CCDC178: variants seen among roughly 807,000 people sequenced by gnomAD.
CCDC178 encodes coiled-coil domain containing 178.
Under a neutral mutation model 117.4 loss-of-function variants are expected in CCDC178, and 126 were observed. The observed-to-expected ratio is 1.07, with a 90% CI of 0.93 to 1.24. The LOEUF is 1.24. CCDC178 is among the 50% of genes most tolerant of loss of function. The probability of loss-of-function intolerance (pLI) is 0.00; values close to 1 mark genes in which losing one functional copy is unlikely to be tolerated. For missense variants in CCDC178, 1,030 were observed against 986.9 expected, an observed-to-expected ratio of 1.04 and a Z score of -0.59; for synonymous variants, 283 against 313.4, an observed-to-expected ratio of 0.90 and a Z score of 1.02.
intron 5 of CCDC178, among the ~76,000 whole-genome samples, chr18:33,389,197 C>T (rs1045128720): frequency 6.6e-6 from 1 of 151,944 alleles, no homozygotes; most frequent in Admixed American, 6.6e-5. Context: ...CCCCCAAAAA[C>T]ATTTGTCTTC....
chr18:33,404,528 T>C (rs1395344508), intron 3 of CCDC178, among the ~76,000 whole-genome samples: 2 of 152,100 alleles, frequency 1.3e-5, no homozygotes, highest in Non-Finnish European at 2.9e-5. Context: ...CTATGGCTGC[T>C]TCTGTGGAAA....
intron 6 of CCDC178, among the ~76,000 whole-genome samples, chr18:33,357,333 G>A (rs1568172826): frequency 2.6e-5 from 4 of 151,980 alleles, no homozygotes; most frequent in African/African-American, 7.2e-5. Flanking sequence ...AAACTTATTG[G>A]TTTACAGTTG....
intron 20 of CCDC178, among the ~76,000 whole-genome samples, chr18:33,093,626 G>T (rs1435792017): frequency 6.6e-6 from 1 of 151,058 alleles, no homozygotes; most frequent in Non-Finnish European, 1.5e-5. Flanking sequence ...GGCAAATTGG[G>T]GGCTATCTAT....
chr18:32,994,510 G>A (rs2055462391), intron 21 of CCDC178, among the ~76,000 whole-genome samples: 1 of 152,100 alleles, frequency 6.6e-6, no homozygotes, highest in African/African-American at 2.4e-5. Flanking sequence ...ATTCCACTTT[G>A]CCTTTGAAAT....
chr18:33,297,567 A>C (rs1012881155), intron 11 of CCDC178, among the ~76,000 whole-genome samples: 1 of 152,232 alleles, frequency 6.6e-6, no homozygotes, highest in African/African-American at 2.4e-5. Context: ...TAAAATAAAT[A>C]ACCTAGAGGA....
At chr18:33,156,239 C>T (rs2058395304) in intron 20 of CCDC178, among the ~76,000 whole-genome samples, 1 of 151,708 alleles carries the variant, frequency 6.6e-6, no homozygotes, top group Admixed American at 6.6e-5. Context: ...AAGGCACCTG[C>T]CACCACGCCC....
At chr18:33,037,116 C>T (rs774433374) in intron 21 of CCDC178, among the ~76,000 whole-genome samples, 4 of 151,836 alleles carry the variant, frequency 2.6e-5, no homozygotes, top group African/African-American at 9.7e-5. Flanking sequence ...ATATAAGCAT[C>T]GACTACTAGA....
intron 20 of CCDC178, among the ~76,000 whole-genome samples, chr18:33,186,911 T>A (rs1462921750): frequency 6.6e-6 from 1 of 152,062 alleles, no homozygotes; most frequent in African/African-American, 2.4e-5. Flanking sequence ...GAGGTTGTGA[T>A]GGACAGACAG....
chr18:33,168,645 AG>A (rs1226743880), intron 20 of CCDC178, among the ~76,000 whole-genome samples: 2 of 152,242 alleles, frequency 1.3e-5, no homozygotes, highest in Non-Finnish European at 2.9e-5. Context: ...AGTATGAGTT[AG>A]GAATACAACT....
Position 33,389,560 on chromosome 18 carries a change from C to A in CCDC178, c.188G>T (p.Ser63Ile). The A allele has an allele frequency of 6.6e-7, 1 of 1,517,800 alleles. No homozygotes were observed. The highest frequency in any genetic ancestry group is 2.0e-5 in the Admixed American group (1 of 48,956). The allele number at this position is 1,517,800 out of a possible 1,614,324, so 94.0% of individuals were successfully genotyped here. Residue 63 changes from serine to isoleucine, a missense_variant, in exon 5 of 23, where the codon AGT becomes ATT. By Grantham distance (142) the Ser-to-Ile change is moderately radical. Coordinates refer to ENST00000383096, the MANE Select transcript of CCDC178 (RefSeq NM_001105528.4). ...CTCACCTTCAGTATTTGTCATTTTA[C>A]TTTCATGAAAACCTTCACTGTTCTC... ...SKENSEGFHE[S>I]KMTNTEGVNK...
intron 20 of CCDC178, among the ~76,000 whole-genome samples, chr18:33,148,953 C>A (rs1401198191): frequency 6.6e-6 from 1 of 152,204 alleles, no homozygotes; most frequent in Admixed American, 6.5e-5. Flanking sequence ...AGCCCCCTTG[C>A]TAGGAGCTAT....
At chr18:33,309,361 G>A (rs942299627) in intron 11 of CCDC178, among the ~76,000 whole-genome samples, 19 of 151,998 alleles carry the variant, frequency 1.3e-4, no homozygotes, top group African/African-American at 4.3e-4. Flanking sequence ...TGGAAATAAT[G>A]ACTAGCTTTG....
At chr18:33,102,907 T>C (rs887406670) in intron 20 of CCDC178, among the ~76,000 whole-genome samples, 1 of 151,862 alleles carries the variant, frequency 6.6e-6, no homozygotes, top group African/African-American at 2.4e-5. Flanking sequence ...CATATTGTCT[T>C]CAGTCTCTTT....
Position 33,274,504 on chromosome 18 carries a change from A to C in CCDC178, c.1177-7207T>G, listed in dbSNP as rs553723759. The stretch of plus-strand genomic sequence containing the variant: ...GTCAAAAAAAGTGGAAACAGCCAAA[A>C]ATCCATCTACTAAAGAATGGATAAA... On this transcript the variant is annotated intron_variant, in intron 12 of 22. Coordinates refer to ENST00000383096, the MANE Select transcript of CCDC178 (RefSeq NM_001105528.4). Among the ~76,000 whole-genome samples, 30 of 152,044 alleles carry C rather than the reference A, an allele frequency of 2.0e-4. No individual in the cohort carries two copies. In the South Asian group the frequency reaches 6.2e-3, roughly 31 times the overall value.
At chr18:33,288,113 G>C (rs1020596476) in intron 12 of CCDC178, among the ~76,000 whole-genome samples, 15 of 152,064 alleles carry the variant, frequency 9.9e-5, no homozygotes, top group African/African-American at 3.6e-4. Flanking sequence ...GGAAGATTCT[G>C]TGAATGGCTA....
At chr18:33,292,507 G>T (rs920094985) in intron 12 of CCDC178, among the ~76,000 whole-genome samples, 1 of 151,962 alleles carries the variant, frequency 6.6e-6, no homozygotes, top group African/African-American at 2.4e-5. Flanking sequence ...GTGTTCTTTA[G>T]CACTGTAGAG....
intron 20 of CCDC178, among the ~76,000 whole-genome samples, chr18:33,206,282 T>C (rs981955059): frequency 1.3e-5 from 2 of 152,038 alleles, no homozygotes; most frequent in African/African-American, 4.8e-5. Context: ...TTGTTTTTAA[T>C]TACTAAATGA....
intron 20 of CCDC178, among the ~76,000 whole-genome samples, chr18:33,153,702 T>G (rs1280856012): frequency 6.6e-6 from 1 of 151,996 alleles, no homozygotes; most frequent in Non-Finnish European, 1.5e-5. Context: ...ATACAAGAAT[T>G]AGAAACAAGC....
chr18:33,363,155 T>C (rs2063153715), intron 6 of CCDC178, among the ~76,000 whole-genome samples: 2 of 151,944 alleles, frequency 1.3e-5, no homozygotes, highest in African/African-American at 2.4e-5. Flanking sequence ...ACATAAAACA[T>C]AATTATCTAA....
Sources: gnomAD v4.1 joint callset for allele counts (sites outside exome capture counted in the v4.1 genomes callset) on GRCh38, gnomAD v4.1.1 for gene constraint, MANE v1.5 for transcripts, NCBI Gene and HGNC (gene_info 2026-07-23, HGNC 2026-07-21) for gene names.